FH: variants seen among roughly 807,000 people sequenced by gnomAD.
FH encodes fumarate hydratase, mitochondrial.
A neutral mutation model predicts 49.4 loss-of-function variants in FH; 22 were observed. That is an observed-to-expected ratio of 0.45 (90% CI 0.32 to 0.64). The LOEUF is 0.64. Ranked by LOEUF, FH falls within the 30% of genes least tolerant of loss-of-function variation. FH has a pLI of 0.05. For synonymous variants in FH, 208 were observed against 223.0 expected (o/e 0.93, Z 0.60); for missense variants, 526 against 641.5 (o/e 0.82, Z 1.95).
rs1270956851 is a variant in FH at position 241,508,705 on chromosome 1, C to G, written c.636G>C (p.Gln212His). ...EVHEVLLPGL[Q>H]KLHDALDAKS... ...TTGCATCAAGAGCATCATGTAACTT[C>G]TGTAGTCCTGGTAACAGTACTTCAT... The change falls in exon 5 of 10, where the codon CAG becomes CAC. Residue 212 changes from glutamine (Q) to histidine (H), a missense_variant. By Grantham distance (24) the Gln-to-His change is conservative. Coordinates refer to ENST00000366560, the MANE Select transcript of FH (RefSeq NM_000143.4). 1 of 1,613,440 alleles carries G rather than the reference C, an allele frequency of 6.2e-7. No homozygotes were observed. The highest frequency in any genetic ancestry group is 1.3e-5 in the African/African-American group (1 of 75,022).
chr1:241,501,993 C>T (rs539831814), intron 8 of FH, among the ~76,000 whole-genome samples: 1 of 152,284 alleles, frequency 6.6e-6, no homozygotes, highest in African/African-American at 2.4e-5. Context: ...GAGGGACAGT[C>T]AACATCAACT....
chr1:241,506,333 T>C (rs112633700), intron 5 of FH, among the ~76,000 whole-genome samples, 165 bp from the exon 6 acceptor site: 144 of 152,272 alleles, frequency 9.5e-4, no homozygotes, highest in Middle Eastern at 6.8e-3. Flanking sequence ...GAGCAAAGTA[T>C]AGGGAAGGAT....
At chr1:241,500,733 A>G (rs1273912419) in intron 8 of FH, 143 bp from the exon 9 acceptor site, 8 of 1,183,116 alleles carry the variant, frequency 6.8e-6, no homozygotes, top group Admixed American at 2.3e-5. Context: ...ATCTTCTACA[A>G]ATTTTAAGGC....
At position 241,506,129 on chromosome 1, in the gene FH, T is replaced by A; in HGVS notation, c.778A>T (p.Thr260Ser). 1 of 1,613,948 alleles carries A rather than the reference T, an allele frequency of 6.2e-7. No individual in the cohort carries two copies. The highest frequency in any genetic ancestry group is 8.5e-7 in the Non-Finnish European group (1 of 1,179,880). ...CTTGGCATGGCAGCTTTTATTCTTG[T>A]CATTGCATATTTTACTTGTTGAACA... ...GYVQQVKYAM[T>S]RIKAAMPRIY... is the part of the protein sequence containing the mutation. The change falls in exon 6 of 10, where the codon ACA becomes TCA. Residue 260 changes from threonine (T) to serine (S), a missense_variant. By Grantham distance (58) the Thr-to-Ser change is moderately conservative (BLOSUM62 1). Coordinates refer to ENST00000366560, the MANE Select transcript of FH (RefSeq NM_000143.4).
intron 1 of FH, among the ~76,000 whole-genome samples, chr1:241,517,734 C>T (rs1362663172): frequency 2.0e-5 from 3 of 151,948 alleles, no homozygotes; most frequent in African/African-American, 7.3e-5. Flanking sequence ...TATATATAAA[C>T]ATTATTCACA....
chr1:241,501,865 A>G (rs1659790189), intron 8 of FH, among the ~76,000 whole-genome samples: 1 of 152,266 alleles, frequency 6.6e-6, no homozygotes, highest in South Asian at 2.1e-4. Flanking sequence ...TTGGGTGGAC[A>G]CAATGTTTTC....
intron 6 of FH, among the ~76,000 whole-genome samples, chr1:241,504,679 C>T (rs761096881): frequency 1.3e-5 from 2 of 151,474 alleles, no homozygotes; most frequent in Non-Finnish European, 2.9e-5. Context: ...TAGGCTCTAG[C>T]GATCCACCCA....
intron 2 of FH, among the ~76,000 whole-genome samples, chr1:241,514,039 A>T (rs917531554): frequency 6.6e-6 from 1 of 152,312 alleles, no homozygotes. Context: ...ACAATAAATT[A>T]TATGTGTTTA....
In FH at chr1:241,508,787, T is replaced by G; in HGVS notation, c.556-2A>C. ...TGTGGGAAAAGTATCATTTGAGCTC[T>G]GTTGGAAATTTTTCAAAAGAAATAT... On this transcript the variant is annotated splice_acceptor_variant, in intron 4 of 9. Transcript: ENST00000366560. LOFTEE classifies it high-confidence loss of function. 6.2e-7 allele frequency: 1 copy of G among 1,611,298 alleles called. No homozygotes were observed. Among genetic ancestry groups the G allele is most frequent in the Non-Finnish European group, 8.5e-7 (1 of 1,178,006 alleles).
rs1189487939 is a variant in FH, at chr1:241,509,828, T to C, written c.556-1043A>G. 5.1e-5 allele frequency among the ~76,000 whole-genome samples: 7 copies of C among 136,216 alleles called. No individual in the cohort carries two copies. In the East Asian group the frequency reaches 1.5e-3, roughly 30 times the overall value. The allele number at this position is 136,216 out of a possible 152,430, so 89.4% of individuals were successfully genotyped here. On this transcript the variant is annotated intron_variant, in intron 4 of 9. Transcript: ENST00000366560. ...ACACACACACACACACACACACGCA[T>C]GCACACACACAGATATATATAAAAG...
At chr1:241,517,364 A>T (rs773397557) in intron 1 of FH, 48 bp from the exon 2 acceptor site, 2 of 1,603,850 alleles carry the variant, frequency 1.2e-6, no homozygotes, top group Admixed American at 1.7e-5. Flanking sequence ...GAAACCCAGG[A>T]TCAAAAGTAA....
At chr1:241,503,377 C>A (rs1274568415) in intron 7 of FH, among the ~76,000 whole-genome samples, 1 of 152,126 alleles carries the variant, frequency 6.6e-6, no homozygotes, top group African/African-American at 2.4e-5. Flanking sequence ...CAGTTTTAGC[C>A]CAAGCTACAG....
At chr1:241,502,687 A>G in intron 7 of FH, 117 bp from the exon 8 acceptor site, 1 of 1,235,310 alleles carries the variant, frequency 8.1e-7, no homozygotes, top group Non-Finnish European at 1.2e-6. Flanking sequence ...AGGCCCAACC[A>G]TCAGTGTAAT....
At chr1:241,516,438 T>A (rs901908113) in intron 2 of FH, among the ~76,000 whole-genome samples, 4 of 151,994 alleles carry the variant, frequency 2.6e-5, no homozygotes, top group Non-Finnish European at 4.4e-5. Flanking sequence ...TTCTCACTTG[T>A]AAGTGGGAGC....
At chr1:241,504,837 C>T (rs374812076) in intron 6 of FH, among the ~76,000 whole-genome samples, 38 of 151,928 alleles carry the variant, frequency 2.5e-4, no homozygotes, top group African/African-American at 8.4e-4. Flanking sequence ...TATATGATGC[C>T]TGACTATGCT....
chr1:241,508,783 G>A lies in FH; in HGVS notation c.558C>T (p.Ser186=), dbSNP rs2147919721. ...TTGCTGTGGGAAAAGTATCATTTGA[G>A]CTCTGTTGGAAATTTTTCAAAAGAA... is the stretch of plus-strand genomic sequence containing the variant. The part of the protein sequence containing the change: ...HPNDHVNKSQ[S]SNDTFPTAMH... The change falls in exon 5 of 10, where the codon AGC becomes AGT. Residue 186 remains serine (S), a splice_region_variant and synonymous_variant. Coordinates refer to ENST00000366560, the MANE Select transcript of FH (RefSeq NM_000143.4). 2.5e-6 allele frequency: 4 copies of A among 1,612,904 alleles called. No homozygotes were observed. The highest frequency in any genetic ancestry group is 2.5e-6 in the Non-Finnish European group (3 of 1,179,282).
chr1:241,515,623 A>T (rs904929984), intron 2 of FH, among the ~76,000 whole-genome samples: 3 of 152,228 alleles, frequency 2.0e-5, no homozygotes, highest in Non-Finnish European at 2.9e-5. Context: ...ACTTAAAATT[A>T]TTGAAAATAA....
At chr1:241,501,112 C>T (rs1659770240) in intron 8 of FH, among the ~76,000 whole-genome samples, 1 of 152,144 alleles carries the variant, frequency 6.6e-6, no homozygotes, top group Non-Finnish European at 1.5e-5. Context: ...TTAACGAATA[C>T]TCCAGTCACT....
At chr1:241,513,413 G>GAAA in intron 3 of FH, among the ~76,000 whole-genome samples, 190 bp downstream of exon 3, 1 of 152,236 alleles carries the variant, frequency 6.6e-6, no homozygotes, top group East Asian at 1.9e-4. Context: ...AAATCATCCA[G>GAAA]AAATTTTGTC....
Sources: allele counts gnomAD v4.1 joint callset (sites outside exome capture counted in the v4.1 genomes callset), GRCh38; gene constraint gnomAD v4.1.1; transcripts MANE v1.5; gene names NCBI Gene and HGNC (gene_info 2026-07-23, HGNC 2026-07-21).